The following RAB38 variants were observed in gnomAD, a reference collection of about 807,000 sequenced individuals.
The protein encoded by RAB38 is RAB38, member RAS oncogene family.
RAB38 carries 15 observed loss-of-function variants against 18.4 expected under a neutral mutation model. That is an observed-to-expected ratio of 0.82 (90% CI 0.55 to 1.26). RAB38 has a LOEUF of 1.26. Ranked by LOEUF, RAB38 falls within the 50% of genes most tolerant of loss-of-function variation. RAB38 has a pLI of 0.00. For missense variants in RAB38, 294 were observed against 267.4 expected, an observed-to-expected ratio of 1.10 and a Z score of -0.69; for synonymous variants, 101 against 104.4, an observed-to-expected ratio of 0.97 and a Z score of 0.20.
chr11:87,939,953 T>C, the RAB38 span, among the ~76,000 whole-genome samples: 8 of 150,768 alleles, frequency 5.3e-5, no homozygotes, highest in Admixed American at 5.3e-4. Context: ...CTTAATAAAC[T>C]AGAAAAAGAA....
At chr11:88,005,049 T>C in the RAB38 span, among the ~76,000 whole-genome samples, 1 of 151,356 alleles carries the variant, frequency 6.6e-6, no homozygotes, top group Non-Finnish European at 1.5e-5. Flanking sequence ...AAATGTAAAT[T>C]TTCCCCAAAG....
At chr11:87,952,434 TG>T in the RAB38 span, among the ~76,000 whole-genome samples, 229 of 152,338 alleles carry the variant, frequency 1.5e-3, 1 homozygote, top group African/African-American at 4.8e-3. Context: ...TCTTATTTTC[TG>T]TTGATGTATT....
chr11:88,077,686 G>T, the RAB38 span, among the ~76,000 whole-genome samples: 2 of 152,044 alleles, frequency 1.3e-5, no homozygotes, highest in Non-Finnish European at 2.9e-5. Flanking sequence ...ACTACCAGAA[G>T]AAAATATTGG....
chr11:87,938,533 T>C, the RAB38 span, among the ~76,000 whole-genome samples: 1 of 152,028 alleles, frequency 6.6e-6, no homozygotes, highest in Non-Finnish European at 1.5e-5. Flanking sequence ...GAGGACACGG[T>C]TCTTTTCAGT....
chr11:88,080,135 G>GA, the RAB38 span, among the ~76,000 whole-genome samples: 2 of 151,562 alleles, frequency 1.3e-5, no homozygotes, highest in African/African-American at 4.8e-5. Flanking sequence ...TCCATACATA[G>GA]AAAAAATCCC....
chr11:87,912,200 G>T, the RAB38 span, among the ~76,000 whole-genome samples: 13 of 152,016 alleles, frequency 8.6e-5, 1 homozygote, highest in South Asian at 2.7e-3. Flanking sequence ...TAGTGTCAGC[G>T]TAATACTGGT....
chr11:87,869,730 T>A, the RAB38 span, among the ~76,000 whole-genome samples: 1 of 151,540 alleles, frequency 6.6e-6, no homozygotes, highest in Admixed American at 6.6e-5. Flanking sequence ...TTATGTTTTC[T>A]TCAGTTGGAG....
the RAB38 span, among the ~76,000 whole-genome samples, chr11:88,075,296 C>A: frequency 6.6e-6 from 1 of 152,100 alleles, no homozygotes; most frequent in Admixed American, 6.5e-5. Context: ...TATCTTAGGC[C>A]ACAACACAAG....
chr11:87,809,118 A>G, the RAB38 span, among the ~76,000 whole-genome samples: 1 of 152,190 alleles, frequency 6.6e-6, no homozygotes, highest in Non-Finnish European at 1.5e-5. Context: ...CCACATATAT[A>G]AGTAATTTCA....
chr11:87,842,854 T>G, the RAB38 span, among the ~76,000 whole-genome samples: 3,373 of 151,656 alleles, frequency 0.022, 117 homozygotes, highest in African/African-American at 0.078. Context: ...ACAAATCCCT[T>G]TTTATAAAAA....
At chr11:87,947,481 G>A in the RAB38 span, among the ~76,000 whole-genome samples, 1 of 152,112 alleles carries the variant, frequency 6.6e-6, no homozygotes, top group Non-Finnish European at 1.5e-5. Flanking sequence ...TGTCCTGAAT[G>A]GTATTGCCTA....
chr11:88,142,081 C>T (rs1469818398), intron 2 of RAB38, among the ~76,000 whole-genome samples: 1 of 151,902 alleles, frequency 6.6e-6, no homozygotes, highest in Non-Finnish European at 1.5e-5. Context: ...CTGCATCCTT[C>T]TGACCTCAGA....
chr11:88,028,845 C>T, the RAB38 span, among the ~76,000 whole-genome samples: 1 of 152,150 alleles, frequency 6.6e-6, no homozygotes, highest in Non-Finnish European at 1.5e-5. Flanking sequence ...TCTAGCAAGG[C>T]AGGCCAACAT....
the RAB38 span, among the ~76,000 whole-genome samples, chr11:87,958,999 A>G: frequency 6.6e-6 from 1 of 152,158 alleles, no homozygotes; most frequent in Admixed American, 6.6e-5. Flanking sequence ...TAATGAAATG[A>G]TGGAAACACC....
At chr11:88,161,907 A>G (rs1943192723) in intron 1 of RAB38, among the ~76,000 whole-genome samples, 1 of 152,142 alleles carries the variant, frequency 6.6e-6, no homozygotes, top group Admixed American at 6.6e-5. Flanking sequence ...CAGTAGACCT[A>G]AGAGTGACAC....
the RAB38 span, among the ~76,000 whole-genome samples, chr11:87,976,269 G>A: frequency 3.0e-4 from 41 of 137,048 alleles, no homozygotes; most frequent in Non-Finnish European, 5.0e-4. Flanking sequence ...TGTAAGAGAA[G>A]GTGTGTGTAT....
At chr11:87,936,075 T>G in the RAB38 span, among the ~76,000 whole-genome samples, 57 of 152,262 alleles carry the variant, frequency 3.7e-4, no homozygotes, top group African/African-American at 1.3e-3. Flanking sequence ...TGCAAATATA[T>G]TTTCCTCTGT....
the RAB38 span, among the ~76,000 whole-genome samples, chr11:87,937,106 C>T: frequency 2.6e-5 from 4 of 151,376 alleles, no homozygotes; most frequent in African/African-American, 9.7e-5. Context: ...TAGATATAAG[C>T]TTTGTTGTAG....
chr11:87,837,713 A>T, the RAB38 span, among the ~76,000 whole-genome samples: 1 of 152,224 alleles, frequency 6.6e-6, no homozygotes, highest in African/African-American at 2.4e-5. Context: ...GTAACTAAGG[A>T]TCAAGCAAAC....
Sources: gnomAD v4.1 joint callset for allele counts (sites outside exome capture counted in the v4.1 genomes callset) on GRCh38, gnomAD v4.1.1 for gene constraint, MANE v1.5 for transcripts, NCBI Gene and HGNC (gene_info 2026-07-23, HGNC 2026-07-21) for gene names.